The following CNOT6L variants were observed in gnomAD, a reference collection of about 807,000 sequenced individuals.
CNOT6L encodes the protein CCR4-NOT transcription complex subunit 6 like.
A neutral mutation model predicts 64.0 loss-of-function variants in CNOT6L; 7 were observed. That is an observed-to-expected ratio of 0.11 (90% CI 0.06 to 0.21). The LOEUF (loss-of-function observed/expected upper bound fraction) is 0.21, where lower values mean the gene tolerates loss of function less well. Ranked by LOEUF, CNOT6L falls within the 10% of genes least tolerant of loss-of-function variation. The pLI is 1.00. For missense variants in CNOT6L, 245 were observed against 669.0 expected, an observed-to-expected ratio of 0.37 and a Z score of 6.99; for synonymous variants, 193 against 243.4, an observed-to-expected ratio of 0.79 and a Z score of 1.93.
intron 5 of CNOT6L, among the ~76,000 whole-genome samples, chr4:77,756,653 T>C (rs747727853): frequency 1.3e-5 from 2 of 152,174 alleles, no homozygotes; most frequent in African/African-American, 4.8e-5. Flanking sequence ...AACAAAATAA[T>C]GCAACTAATC....
At chr4:77,763,880 G>A (rs547522847) in intron 4 of CNOT6L, among the ~76,000 whole-genome samples, 1 of 152,074 alleles carries the variant, frequency 6.6e-6, no homozygotes, top group Non-Finnish European at 1.5e-5. Context: ...TTAAATAACC[G>A]ACAAGTCAAG....
rs1046842064 is a variant in CNOT6L at position 77,748,309 on chromosome 4, T to C, written c.559+7A>G. 1.3e-6 allele frequency: 2 copies of C among 1,582,644 alleles called. No individual in the cohort carries two copies. Among genetic ancestry groups the C allele is most frequent in the East Asian group, 2.2e-5 (1 of 44,722 alleles). ...AAAAAAAAGGAAGAATAAGAAAAAC[T>C]ATTTACCTGACGGCAGAATTTGGTC... On this transcript the variant is annotated splice_region_variant and intron_variant, in intron 6 of 11. Coordinates refer to ENST00000504123, the MANE Select transcript of CNOT6L (RefSeq NM_144571.3).
Position 77,776,398 on chromosome 4 carries a change from T to TTA in CNOT6L, c.6-7_6-6insTA. ...CCTTTGGCATCCCTATTAGTCTGTTTAAAAAAAAAAAGGAGGAGATCAATA... is the reference window on the plus strand; with the variant it reads ...CCTTTGGCATCCCTATTAGTCTGTTTTAAAAAAAAAAAAGGAGGAGATCAATA... On this transcript the variant is annotated splice_region_variant and splice_polypyrimidine_tract_variant and intron_variant, in intron 1 of 11. Coordinates refer to ENST00000504123, the MANE Select transcript of CNOT6L (RefSeq NM_144571.3). 1.8e-6 allele frequency: 2 copies of TTA among 1,099,250 alleles called. No homozygotes were observed. Among genetic ancestry groups the TTA allele is most frequent in the Non-Finnish European group, 2.5e-6 (2 of 795,348 alleles). 68.1% of individuals were successfully genotyped at this position (1,099,250 alleles called of 1,614,324 possible).
intron 7 of CNOT6L, among the ~76,000 whole-genome samples, chr4:77,744,380 T>A (rs377282893): frequency 3.2e-4 from 48 of 151,822 alleles, no homozygotes; most frequent in African/African-American, 1.1e-3. Flanking sequence ...CAATACAAGG[T>A]AAATTTATAT....
intron 1 of CNOT6L, among the ~76,000 whole-genome samples, chr4:77,803,426 T>A (rs541134576): frequency 1.3e-5 from 2 of 152,342 alleles, no homozygotes; most frequent in East Asian, 3.9e-4. Context: ...AATGTGTAAT[T>A]ACTTTGATCC....
At position 77,783,915 on chromosome 4, in the gene CNOT6L, ATATAT is replaced by A. The variant is rs144407461; in HGVS notation, c.6-7528_6-7524del. ...AATTTATTAAATATATTAATATTTA[ATATAT>A]TAAATATATCTCAAGTCAAACACTA... On this transcript the variant is annotated intron_variant, in intron 1 of 11. Transcript: ENST00000504123. 1.7e-3 allele frequency among the ~76,000 whole-genome samples: 255 copies of A among 149,290 alleles called. 1 individual carries two copies. Among genetic ancestry groups the A allele is most frequent in the African/African-American group, 5.1e-3 (211 of 41,034 alleles).
intron 8 of CNOT6L, among the ~76,000 whole-genome samples, chr4:77,739,197 C>T (rs1723311008): frequency 6.6e-6 from 1 of 152,122 alleles, no homozygotes; most frequent in Non-Finnish European, 1.5e-5. Context: ...ATGATAGTTT[C>T]CATTTATTGT....
intron 1 of CNOT6L, among the ~76,000 whole-genome samples, chr4:77,787,488 C>T (rs1729587038): frequency 6.6e-6 from 1 of 152,102 alleles, no homozygotes; most frequent in African/African-American, 2.4e-5. Context: ...TTGTCACTTG[C>T]CATCATAAAA....
chr4:77,800,635 T>C (rs1731425327), intron 1 of CNOT6L, among the ~76,000 whole-genome samples: 1 of 152,222 alleles, frequency 6.6e-6, no homozygotes, highest in African/African-American at 2.4e-5. Flanking sequence ...ATTTTAATGT[T>C]AGATAAACAT....
intron 1 of CNOT6L, among the ~76,000 whole-genome samples, chr4:77,794,994 ACAAG>A (rs1249937663): frequency 6.6e-6 from 1 of 151,758 alleles, no homozygotes; most frequent in East Asian, 1.9e-4. Context: ...CATACAGGTA[ACAAG>A]CAAAAGTAAA....
intron 4 of CNOT6L, among the ~76,000 whole-genome samples, chr4:77,759,802 T>G (rs1055660976): frequency 6.6e-6 from 1 of 152,204 alleles, no homozygotes; most frequent in African/African-American, 2.4e-5. Context: ...TCAACCAACT[T>G]GGCCTATTAT....
intron 1 of CNOT6L, among the ~76,000 whole-genome samples, chr4:77,818,436 G>A (rs767965600): frequency 6.6e-6 from 1 of 151,402 alleles, no homozygotes; most frequent in Non-Finnish European, 1.5e-5. Context: ...CCAAGAAAAT[G>A]TTTGTCTAAT....
chr4:77,783,912 T>G (rs1324952361), intron 1 of CNOT6L, among the ~76,000 whole-genome samples: 1 of 149,080 alleles, frequency 6.7e-6, no homozygotes, highest in Non-Finnish European at 1.5e-5. Context: ...ATATTAATAT[T>G]TAATATATTA....
intron 1 of CNOT6L, among the ~76,000 whole-genome samples, chr4:77,789,945 C>CAAAAAAAAAA (rs58242121): frequency 1.2e-5 from 1 of 83,310 alleles, no homozygotes; most frequent in African/African-American, 4.8e-5. Flanking sequence ...GACACTGTCT[C>CAAAAAAAAAA]AAAAAAAAAA....
intron 1 of CNOT6L, among the ~76,000 whole-genome samples, chr4:77,795,493 G>A (rs1730731656): frequency 6.6e-6 from 1 of 152,116 alleles, no homozygotes; most frequent in Admixed American, 6.6e-5. Flanking sequence ...TGAATCATGG[G>A]GACAGACTTC....
chr4:77,795,486 A>T (rs1730731121), intron 1 of CNOT6L, among the ~76,000 whole-genome samples: 1 of 152,106 alleles, frequency 6.6e-6, no homozygotes, highest in Non-Finnish European at 1.5e-5. Flanking sequence ...AGGTGACTGA[A>T]TCATGGGGAC....
intron 4 of CNOT6L, 130 bp downstream of exon 4, chr4:77,772,951 A>C: frequency 1.6e-6 from 1 of 636,936 alleles, no homozygotes; most frequent in East Asian, 3.1e-5. Flanking sequence ...ACAAACAAAA[A>C]CTACTTTTCT....
At chr4:77,741,980 T>A (rs1258241746) in intron 8 of CNOT6L, among the ~76,000 whole-genome samples, 161 bp downstream of exon 8, 2 of 152,198 alleles carry the variant, frequency 1.3e-5, no homozygotes, top group Non-Finnish European at 2.9e-5. Context: ...TTATTTCGAA[T>A]ACACAGCCTG....
intron 11 of CNOT6L, among the ~76,000 whole-genome samples, chr4:77,722,046 T>A (rs968301316): frequency 6.6e-6 from 1 of 151,942 alleles, no homozygotes; most frequent in Non-Finnish European, 1.5e-5. Context: ...GGAACTTACA[T>A]GAGTCCAGGG....
Sources: gnomAD v4.1 joint callset for allele counts (sites outside exome capture counted in the v4.1 genomes callset) on GRCh38, gnomAD v4.1.1 for gene constraint, MANE v1.5 for transcripts, NCBI Gene and HGNC (gene_info 2026-07-23, HGNC 2026-07-21) for gene names.